Variants in RELN observed in about 807,000 individuals in gnomAD.
The protein encoded by RELN is reelin.
Under a neutral mutation model 427.6 loss-of-function variants are expected in RELN, and 108 were observed. The observed-to-expected ratio is 0.25, with a 90% CI of 0.22 to 0.30. The LOEUF (loss-of-function observed/expected upper bound fraction) is 0.30. RELN is among the 10% of genes least tolerant of loss of function. The pLI is 1.00. For synonymous variants in RELN, 1,524 were observed against 1,513.4 expected (o/e 1.01, Z -0.16); for missense variants, 3,715 against 4,302.8 (o/e 0.86, Z 3.82).
intron 1 of RELN, among the ~76,000 whole-genome samples, chr7:103,956,776 A>T (rs1421617551): frequency 2.0e-5 from 3 of 152,226 alleles, no homozygotes; most frequent in African/African-American, 7.2e-5. Flanking sequence ...GATGGCAAGC[A>T]GTGTAGTCCT....
At chr7:103,812,362 C>T (rs185900020) in intron 3 of RELN, among the ~76,000 whole-genome samples, 2 of 152,264 alleles carry the variant, frequency 1.3e-5, no homozygotes, top group East Asian at 3.9e-4. Context: ...GGCTGTCCTG[C>T]CCCCTCAACT....
intron 36 of RELN, among the ~76,000 whole-genome samples, chr7:103,561,166 G>C (rs1041206215): frequency 3.3e-5 from 5 of 151,532 alleles, no homozygotes; most frequent in African/African-American, 1.2e-4. Context: ...AAAAAGAAAA[G>C]GAAAATTAAA....
intron 57 of RELN, among the ~76,000 whole-genome samples, chr7:103,493,463 G>A (rs1828732210): frequency 6.6e-6 from 1 of 152,170 alleles, no homozygotes; most frequent in African/African-American, 2.4e-5. Context: ...AATGTGCAAA[G>A]GTGTAGAAAT....
In RELN at chr7:103,561,959, C is replaced by CAAAAAAAA. The variant is rs34125550; in HGVS notation, c.5211-14_5211-7dup. 1.3e-5 allele frequency: 17 copies of CAAAAAAAA among 1,315,242 alleles called. 1 individual carries two copies. The highest frequency in any genetic ancestry group is 8.8e-5 in the Admixed American group (3 of 34,150). The allele number at this position is 1,315,242 out of a possible 1,614,324, so 81.5% of individuals were successfully genotyped here. On this transcript the variant is annotated splice_region_variant and splice_polypyrimidine_tract_variant and intron_variant, in intron 34 of 64. Coordinates refer to ENST00000428762, the MANE Select transcript of RELN (RefSeq NM_005045.4). ...TGAACCGGGTCCTGGGAGAACTAAC[C>CAAAAAAAA]AAAAAAAAAAAAAAAAAAACACACC...
chr7:103,578,807 T>C (rs1413592755), intron 28 of RELN, among the ~76,000 whole-genome samples: 1 of 152,238 alleles, frequency 6.6e-6, no homozygotes, highest in African/African-American at 2.4e-5. Context: ...GTAGAGGAGA[T>C]ACAGCCTTGC....
At chr7:103,851,263 C>T (rs967456419) in intron 2 of RELN, among the ~76,000 whole-genome samples, 1 of 152,152 alleles carries the variant, frequency 6.6e-6, no homozygotes, top group African/African-American at 2.4e-5. Flanking sequence ...TATGTTTTCA[C>T]TGATATGCGG....
Position 103,761,632 on chromosome 7 carries a change from G to T in RELN, c.545-8418C>A, listed in dbSNP as rs78158262. ...CAAGACCAGTAAATTTTTTTTTGGG[G>T]GGGGGTAGAGACAAGATCTTACCAC... On this transcript the variant is annotated intron_variant, in intron 4 of 64. Coordinates refer to ENST00000428762, the MANE Select transcript of RELN (RefSeq NM_005045.4). Among the ~76,000 whole-genome samples, 609 of 151,590 alleles carry T rather than the reference G, an allele frequency of 4.0e-3. 12 individuals are homozygous for T. In the East Asian group the frequency reaches 0.078, roughly 19 times the overall value.
chr7:103,551,199 A>C lies in RELN; in HGVS notation c.6170T>G (p.Leu2057Arg), dbSNP rs138909076. The change falls in exon 41 of 65, where the codon CTC becomes CGC. Residue 2057 changes from leucine (L) to arginine (R), a missense_variant. Physicochemically the swap from Leu to Arg is moderately radical, Grantham distance 102. Coordinates refer to ENST00000428762, the MANE Select transcript of RELN (RefSeq NM_005045.4). ...GACGTGGCTGCTGCTGTGGTAGCAG[A>C]GGGGCAGCAGAAGGTGCCAGGTCGC... ...FGATWHLLLP[L>R]CYHSSSHVSS... 1.1e-4 allele frequency: 179 copies of C among 1,614,052 alleles called. 1 individual carries two copies. Among genetic ancestry groups the C allele is most frequent in the Admixed American group, 2.0e-4 (12 of 60,024 alleles).
At chr7:103,702,142 G>T (rs1207602901) in intron 8 of RELN, among the ~76,000 whole-genome samples, 3 of 152,200 alleles carry the variant, frequency 2.0e-5, no homozygotes, top group Non-Finnish European at 4.4e-5. Context: ...GATCTCAAAT[G>T]GAAACCCACC....
At chr7:103,892,574 A>G (rs1303030820) in intron 2 of RELN, among the ~76,000 whole-genome samples, 1 of 152,168 alleles carries the variant, frequency 6.6e-6, no homozygotes, top group Non-Finnish European at 1.5e-5. Context: ...TAAGATCACA[A>G]CCAATTTCTG....
intron 14 of RELN, among the ~76,000 whole-genome samples, chr7:103,652,187 T>C (rs1584378254): frequency 6.6e-6 from 1 of 151,254 alleles, no homozygotes; most frequent in Non-Finnish European, 1.5e-5. Flanking sequence ...GACATGCTAA[T>C]TGATTTCCAT....
intron 57 of RELN, among the ~76,000 whole-genome samples, chr7:103,494,393 G>GTGTGTGTGTGTGTGTGTGTGTGTGTGT (rs60783765): frequency 1.1e-4 from 16 of 150,874 alleles, no homozygotes; most frequent in East Asian, 1.9e-4. Flanking sequence ...GTGTGTGTGT[G>GTGTGTGTGTGTGTGTGTGTGTGTGTGT]GGATATGGTC....
intron 2 of RELN, among the ~76,000 whole-genome samples, chr7:103,873,062 C>T (rs1042521533): frequency 2.0e-5 from 3 of 151,882 alleles, no homozygotes; most frequent in African/African-American, 2.4e-5. Context: ...CACTCAAAGC[C>T]GCCCAACTAC....
At chr7:103,769,876 C>T (rs1791520739) in intron 4 of RELN, among the ~76,000 whole-genome samples, 1 of 152,188 alleles carries the variant, frequency 6.6e-6, no homozygotes, top group Admixed American at 6.5e-5. Flanking sequence ...CAAGCACCCT[C>T]TTTCCTGGCT....
chr7:103,921,005 A>T (rs569613744), intron 1 of RELN, among the ~76,000 whole-genome samples: 18 of 152,340 alleles, frequency 1.2e-4, no homozygotes, highest in African/African-American at 4.3e-4. Context: ...ACTAGAAGGT[A>T]CGTAATGCAT....
intron 1 of RELN, among the ~76,000 whole-genome samples, chr7:103,919,086 G>A (rs375451257): frequency 2.4e-4 from 36 of 148,474 alleles, no homozygotes; most frequent in African/African-American, 7.5e-4. Context: ...CCTTTTCCTC[G>A]TTTAAGCAGA....
At chr7:103,594,278 T>C (rs1831487290) in intron 26 of RELN, 43 bp downstream of exon 26, 4 of 1,560,202 alleles carry the variant, frequency 2.6e-6, no homozygotes, top group Non-Finnish European at 3.5e-6. Context: ...CCATTCACTT[T>C]TATAATTATC....
rs1001219132 is a variant in RELN, at chr7:103,953,078, G to A, written c.227-35893C>T. ...TAGCCACCAACGTCTGGTTTCTACC[G>A]TTCTCTTCCTCATCCCACGCGCTGA... On this transcript the variant is annotated intron_variant, in intron 1 of 64. Coordinates refer to ENST00000428762, the MANE Select transcript of RELN (RefSeq NM_005045.4). The surrounding 1 kb of genome is among the most constrained non-coding windows in gnomAD (Gnocchi z 4.3). Among the ~76,000 whole-genome samples, 12 of 152,010 alleles carry A rather than the reference G, an allele frequency of 7.9e-5. No homozygotes were observed. The highest frequency in any genetic ancestry group is 2.1e-4 in the South Asian group (1 of 4,820).
At chr7:103,572,637 C>T (rs774081408) in intron 30 of RELN, among the ~76,000 whole-genome samples, 10 of 150,772 alleles carry the variant, frequency 6.6e-5, no homozygotes, top group African/African-American at 2.4e-4. Context: ...CCCAGGTTCA[C>T]GCCATTCTCC....
Sources: gnomAD v4.1 joint callset for allele counts (sites outside exome capture counted in the v4.1 genomes callset) on GRCh38, gnomAD v4.1.1 for gene constraint, Gnocchi (gnomAD v3.1) non-coding constraint, MANE v1.5 for transcripts, NCBI Gene and HGNC (gene_info 2026-07-23, HGNC 2026-07-21) for gene names.